CBLB: variants seen among roughly 807,000 people sequenced by gnomAD.
The protein encoded by CBLB is E3 ubiquitin-protein ligase CBL-B.
In CBLB, 31 loss-of-function variants were observed where a neutral mutation model predicts 104.9. The ratio of observed to expected loss-of-function variants is 0.30; its 90% CI spans 0.22 to 0.40. CBLB has a LOEUF of 0.40. Ranked by LOEUF, CBLB falls within the 10% of genes least tolerant of loss-of-function variation. The pLI, the probability that CBLB is intolerant of heterozygous loss-of-function variation, is 1.00. For synonymous variants in CBLB, 440 were observed against 422.6 expected (o/e 1.04, Z -0.51); for missense variants, 1,062 against 1,214.6 (o/e 0.87, Z 1.87).
intron 3 of CBLB, among the ~76,000 whole-genome samples, chr3:105,848,976 G>A (rs1319210415): frequency 6.6e-6 from 1 of 152,112 alleles, no homozygotes; most frequent in African/African-American, 2.4e-5. Flanking sequence ...GATTGGTAAT[G>A]TACAGATTTT....
At chr3:105,817,333 G>C (rs1156558140) in intron 3 of CBLB, among the ~76,000 whole-genome samples, 1 of 152,082 alleles carries the variant, frequency 6.6e-6, no homozygotes, top group African/African-American at 2.4e-5. Flanking sequence ...ACAAGGAGGA[G>C]CAGCAAAGAT....
At chr3:105,720,877 G>A (rs1406075626) in intron 9 of CBLB, among the ~76,000 whole-genome samples, 1 of 152,130 alleles carries the variant, frequency 6.6e-6, no homozygotes, top group Non-Finnish European at 1.5e-5. Flanking sequence ...ACTAAGTTTT[G>A]CCCTTATCTT....
At chr3:105,858,704 T>C (rs914148569) in intron 2 of CBLB, among the ~76,000 whole-genome samples, 4 of 152,182 alleles carry the variant, frequency 2.6e-5, no homozygotes, top group Admixed American at 1.3e-4. Flanking sequence ...CTCAAAAAAT[T>C]TGGAAATTAC....
At chr3:105,743,661 CA>C (rs1452275459) in intron 6 of CBLB, among the ~76,000 whole-genome samples, 3 of 149,400 alleles carry the variant, frequency 2.0e-5, no homozygotes, top group Admixed American at 6.7e-5. Flanking sequence ...CCTAAGGAGC[CA>C]AAATGTCCTT....
chr3:105,851,159 C>A (rs902487796), intron 3 of CBLB, among the ~76,000 whole-genome samples: 5 of 151,830 alleles, frequency 3.3e-5, no homozygotes, highest in African/African-American at 1.2e-4. Flanking sequence ...AGTGAAAAAC[C>A]AAACTGTGAT....
chr3:105,697,071 C>A (rs1414843971), intron 12 of CBLB, among the ~76,000 whole-genome samples: 10 of 151,790 alleles, frequency 6.6e-5, no homozygotes, highest in African/African-American at 2.4e-4. Context: ...TCTCATATGC[C>A]TTACCTCTTA....
At chr3:105,798,186 G>C (rs2082445337) in intron 3 of CBLB, among the ~76,000 whole-genome samples, 3 of 152,158 alleles carry the variant, frequency 2.0e-5, no homozygotes, top group South Asian at 4.1e-4. Flanking sequence ...ATTGAACGAA[G>C]AGATATAAAG....
At chr3:105,765,047 T>C (rs888149083) in intron 4 of CBLB, among the ~76,000 whole-genome samples, 4 of 152,142 alleles carry the variant, frequency 2.6e-5, no homozygotes, top group Non-Finnish European at 4.4e-5. Flanking sequence ...CTCTCTAACA[T>C]AAAAGTGCAA....
chr3:105,829,994 T>A (rs1261823056), intron 3 of CBLB, among the ~76,000 whole-genome samples: 1 of 152,186 alleles, frequency 6.6e-6, no homozygotes, highest in Non-Finnish European at 1.5e-5. Flanking sequence ...AGATGTATTT[T>A]ATTTGCTTCC....
chr3:105,663,906 G>GA (rs60125170), intron 18 of CBLB, among the ~76,000 whole-genome samples: 103,348 of 142,898 alleles, frequency 0.72, 37,489 homozygotes, highest in South Asian at 0.82. Context: ...AGCTTATTAG[G>GA]AAAAAAAAAA....
At chr3:105,679,052 C>A (rs546783103) in intron 16 of CBLB, among the ~76,000 whole-genome samples, 50 of 152,134 alleles carry the variant, frequency 3.3e-4, no homozygotes, top group African/African-American at 1.2e-3. Flanking sequence ...ATAGTTTATT[C>A]CACTGGATTT....
chr3:105,787,494 G>A (rs1173799723), intron 3 of CBLB, among the ~76,000 whole-genome samples: 2 of 152,238 alleles, frequency 1.3e-5, no homozygotes, highest in East Asian at 1.9e-4. Flanking sequence ...AACATTCTAT[G>A]GGGCTATCTA....
intron 3 of CBLB, among the ~76,000 whole-genome samples, chr3:105,780,501 T>C (rs970851513): frequency 6.6e-6 from 1 of 152,156 alleles, no homozygotes; most frequent in African/African-American, 2.4e-5. Flanking sequence ...TAATTTTAAT[T>C]TTAATTAATT....
At chr3:105,788,310 T>C (rs1235458724) in intron 3 of CBLB, among the ~76,000 whole-genome samples, 4 of 152,028 alleles carry the variant, frequency 2.6e-5, no homozygotes, top group Non-Finnish European at 4.4e-5. Context: ...GCCTATACCA[T>C]TGAAGGTAAT....
At chr3:105,715,411 T>C (rs1000408331) in intron 10 of CBLB, among the ~76,000 whole-genome samples, 14 of 152,234 alleles carry the variant, frequency 9.2e-5, no homozygotes, top group African/African-American at 2.9e-4. Context: ...ATTAGCATTA[T>C]TAAACACATT....
Position 105,798,847 on chromosome 3 carries a change from T to C in CBLB, c.420-22305A>G, listed in dbSNP as rs576348052. On this transcript the variant is annotated intron_variant, in intron 3 of 18. Coordinates refer to ENST00000394030, the MANE Select transcript of CBLB (RefSeq NM_170662.5). ...TAGATGTCAAAATCTCCTAACTGCC[T>C]GCCTTATATGTGTGTGAGACAGAGG... Among the ~76,000 whole-genome samples, 8 of 152,340 alleles carry C rather than the reference T, an allele frequency of 5.3e-5. 1 individual carries two copies. The South Asian group carries it at 1.7e-3, about 32-fold the overall frequency.
rs961515422 is a variant in CBLB at position 105,655,976 on chromosome 3, G to A, written c.*2994C>T. The A allele has an allele frequency of 4.8e-5, 11 of 228,142 alleles. No homozygotes were observed. In the South Asian group the frequency reaches 2.0e-3, roughly 42 times the overall value. 14.1% of individuals were successfully genotyped at this position (228,142 alleles called of 1,614,324 possible). On this transcript the variant is annotated 3_prime_UTR_variant, in exon 19 of 19. Transcript: ENST00000394030. ...TGGGACCCTTTTAAGTTGCAGTGAG[G>A]GTTCTATTATGAAGACTATTTGCAA...
chr3:105,710,428 T>C (rs759277490), intron 10 of CBLB, among the ~76,000 whole-genome samples: 1 of 151,936 alleles, frequency 6.6e-6, no homozygotes, highest in African/African-American at 2.4e-5. Flanking sequence ...AATCCTTATG[T>C]AGAGGTAACT....
rs2063498195 is a variant in CBLB at position 105,658,606 on chromosome 3, T to A, written c.*364A>T. 2.7e-6 allele frequency: 1 copy of A among 377,202 alleles called. No homozygotes were observed. Among genetic ancestry groups the A allele is most frequent in the African/African-American group, 2.0e-5 (1 of 50,064 alleles). The allele number at this position is 377,202 out of a possible 1,614,324, so 23.4% of individuals were successfully genotyped here. On this transcript the variant is annotated 3_prime_UTR_variant, in exon 19 of 19. Coordinates refer to ENST00000394030, the MANE Select transcript of CBLB (RefSeq NM_170662.5). ...TACAAAGGGTCTGTGAAGAACACAG[T>A]ACAGGTATCAAAACACCAAAACAAA... is the stretch of plus-strand genomic sequence containing the variant.
Sources: allele counts gnomAD v4.1 joint callset (sites outside exome capture counted in the v4.1 genomes callset), GRCh38; gene constraint gnomAD v4.1.1; transcripts MANE v1.5; gene names NCBI Gene and HGNC (gene_info 2026-07-23, HGNC 2026-07-21).